Variants in KATNIP observed in about 807,000 individuals in gnomAD.
KATNIP encodes the protein katanin interacting protein.
KATNIP carries 126 observed loss-of-function variants against 174.0 expected under a neutral mutation model. The observed-to-expected ratio is 0.72, with a 90% confidence interval of 0.63 to 0.84. The LOEUF is 0.84. KATNIP is among the 40% of genes least tolerant of loss of function. The probability of loss-of-function intolerance (pLI) is 0.00; values close to 1 mark genes in which losing one functional copy is unlikely to be tolerated. For missense variants in KATNIP, 1,958 were observed against 2,109.7 expected, an observed-to-expected ratio of 0.93 and a Z score of 1.41; for synonymous variants, 810 against 835.7, an observed-to-expected ratio of 0.97 and a Z score of 0.53.
At chr16:27,627,562 T>G (rs1272128155) in intron 3 of KATNIP, among the ~76,000 whole-genome samples, 1 of 152,224 alleles carries the variant, frequency 6.6e-6, no homozygotes, top group Non-Finnish European at 1.5e-5. Context: ...CTGTATTTCC[T>G]CTAGAAGCAG....
intron 3 of KATNIP, among the ~76,000 whole-genome samples, chr16:27,627,591 T>C (rs1304086677): frequency 6.6e-6 from 1 of 152,256 alleles, no homozygotes; most frequent in Non-Finnish European, 1.5e-5. Flanking sequence ...AATTCTCTAA[T>C]TCAGAATTCA....
chr16:27,708,536 C>T (rs1019844005), intron 12 of KATNIP, 169 bp from the exon 13 acceptor site: 55 of 569,752 alleles, frequency 9.7e-5, no homozygotes, highest in Non-Finnish European at 1.6e-4. Context: ...TTCATTTAAT[C>T]ATTGTAATAA....
chr16:27,643,213 A>G (rs1290320807), intron 5 of KATNIP: 1 of 152,272 alleles, frequency 6.6e-6, no homozygotes, highest in Non-Finnish European at 1.5e-5. Context: ...GCCTGTGATT[A>G]GGCTGTGCAA....
intron 2 of KATNIP, among the ~76,000 whole-genome samples, chr16:27,614,720 G>A (rs1280500233): frequency 6.6e-6 from 1 of 152,172 alleles, no homozygotes; most frequent in African/African-American, 2.4e-5. Flanking sequence ...AAACTCAGAG[G>A]TTGCAGAGAT....
intron 6 of KATNIP, among the ~76,000 whole-genome samples, chr16:27,650,169 T>TC (rs1360747953): frequency 1.7e-5 from 1 of 58,938 alleles, no homozygotes; most frequent in Non-Finnish European, 4.2e-5. Context: ...TGAAACTGTG[T>TC]CTAAAAAAAA....
intron 5 of KATNIP, among the ~76,000 whole-genome samples, chr16:27,645,143 TG>T (rs1174225043): frequency 6.6e-6 from 1 of 152,212 alleles, no homozygotes; most frequent in African/African-American, 2.4e-5. Flanking sequence ...GGCTGGCTTT[TG>T]GGGGCTATGC....
At chr16:27,679,829 G>A (rs959436133) in intron 7 of KATNIP, among the ~76,000 whole-genome samples, 19 of 151,274 alleles carry the variant, frequency 1.3e-4, no homozygotes, top group Non-Finnish European at 2.4e-4. Flanking sequence ...GACATCTCCA[G>A]AGAAGACATT....
chr16:27,592,275 T>C (rs979840904), intron 2 of KATNIP, among the ~76,000 whole-genome samples: 4 of 116,046 alleles, frequency 3.4e-5, no homozygotes, highest in Non-Finnish European at 6.9e-5. Flanking sequence ...TATTACTTTT[T>C]TTTTTTTTTT....
intron 6 of KATNIP, among the ~76,000 whole-genome samples, chr16:27,660,367 G>A (rs1188597845): frequency 6.6e-6 from 1 of 152,186 alleles, no homozygotes; most frequent in African/African-American, 2.4e-5. Flanking sequence ...TGGCCAACAT[G>A]GTGAAACCCC....
chr16:27,667,828 G>A (rs978353956), intron 6 of KATNIP, among the ~76,000 whole-genome samples: 5 of 152,114 alleles, frequency 3.3e-5, no homozygotes, highest in Admixed American at 6.5e-5. Context: ...TGTTAATTTC[G>A]TTTTGACCCC....
chr16:27,746,692 A>G (rs2081307508), intron 15 of KATNIP, among the ~76,000 whole-genome samples: 1 of 152,248 alleles, frequency 6.6e-6, no homozygotes, highest in South Asian at 2.1e-4. Context: ...CTCCAGAGGA[A>G]GAGCACTCCT....
At chr16:27,609,744 T>G (rs2142005227) in intron 2 of KATNIP, among the ~76,000 whole-genome samples, 1 of 147,532 alleles carries the variant, frequency 6.8e-6, no homozygotes, top group African/African-American at 2.5e-5. Flanking sequence ...CAGGATGGAG[T>G]ACAGTGGCAT....
Position 27,552,377 on chromosome 16 carries a change from C to CTT in KATNIP, c.7+2216_7+2217dup, listed in dbSNP as rs1167836198. On this transcript the variant is annotated intron_variant, in intron 1 of 27. Coordinates refer to ENST00000261588, the MANE Select transcript of KATNIP (RefSeq NM_015202.5). ...TTTAGCAAATGCCAGTTTCTTTTTT[C>CTT]TTTTTTTTTTTTTTTTTGAGAAAAA... Among the ~76,000 whole-genome samples, 427 of 135,070 alleles carry CTT rather than the reference C, an allele frequency of 3.2e-3. 1 individual carries two copies. Among genetic ancestry groups the CTT allele is most frequent in the African/African-American group, 7.3e-3 (271 of 37,174 alleles). 88.6% of individuals were successfully genotyped at this position (135,070 alleles called of 152,430 possible).
chr16:27,681,326 GA>G, intron 7 of KATNIP, 72 bp from the exon 8 acceptor site: 1 of 1,569,212 alleles, frequency 6.4e-7, no homozygotes, highest in South Asian at 1.1e-5. Context: ...AATGAATGAT[GA>G]ACAAATGCCT....
At chr16:27,643,276 TC>T in intron 5 of KATNIP, 1 of 152,320 alleles carries the variant, frequency 6.6e-6, no homozygotes, top group Non-Finnish European at 1.5e-5. Flanking sequence ...TGACTCAGTT[TC>T]CCCCTTGGGT....
chr16:27,606,786 G>C (rs138451601), intron 2 of KATNIP, among the ~76,000 whole-genome samples: 1 of 151,068 alleles, frequency 6.6e-6, no homozygotes, highest in African/African-American at 2.4e-5. Context: ...GGCTGGTCTC[G>C]ATCTCCTGGG....
At chr16:27,759,897 C>T (rs192568599) in intron 18 of KATNIP, among the ~76,000 whole-genome samples, 2 of 152,310 alleles carry the variant, frequency 1.3e-5, no homozygotes, top group African/African-American at 4.8e-5. Context: ...GTGAATGATG[C>T]GGCGAGAAGC....
At chr16:27,665,690 T>G (rs949701121) in intron 6 of KATNIP, among the ~76,000 whole-genome samples, 5 of 151,126 alleles carry the variant, frequency 3.3e-5, no homozygotes, top group African/African-American at 4.9e-5. Flanking sequence ...AACCTCCACC[T>G]CCCAGGTTCA....
chr16:27,611,957 T>A (rs1045739009), intron 2 of KATNIP, among the ~76,000 whole-genome samples: 1 of 152,120 alleles, frequency 6.6e-6, no homozygotes, highest in African/African-American at 2.4e-5. Context: ...CATGGGGACT[T>A]TGGGAACCGA....
Sources: allele counts gnomAD v4.1 joint callset (sites outside exome capture counted in the v4.1 genomes callset), GRCh38; gene constraint gnomAD v4.1.1; transcripts MANE v1.5; gene names NCBI Gene and HGNC (gene_info 2026-07-23, HGNC 2026-07-21).